The following ACAD10 variants were observed in gnomAD, a reference collection of about 807,000 sequenced individuals.
ACAD10 encodes acyl-CoA dehydrogenase family member 10.
In ACAD10, 112 loss-of-function variants were observed where a neutral mutation model predicts 116.8. That is an observed-to-expected ratio of 0.96 (90% CI 0.82 to 1.12). ACAD10 has a LOEUF of 1.12. Ranked by LOEUF, ACAD10 falls within the 50% of genes most tolerant of loss-of-function variation. The pLI, the probability that ACAD10 is intolerant of heterozygous loss-of-function variation, is 0.00. For missense variants in ACAD10, 1,259 were observed against 1,350.2 expected, an observed-to-expected ratio of 0.93 and a Z score of 1.06; for synonymous variants, 486 against 510.6, an observed-to-expected ratio of 0.95 and a Z score of 0.65.
chr12:111,688,292 T>G (rs1410460088), intron 1 of ACAD10: 1 of 152,218 alleles, frequency 6.6e-6, no homozygotes, highest in Non-Finnish European at 1.5e-5. Flanking sequence ...AAAATGCAAA[T>G]GAACCTTGAC....
In ACAD10 at chr12:111,748,474, A is replaced by C. The variant is rs752802498; in HGVS notation, c.2643A>C (p.Pro881=). 5.0e-6 allele frequency: 8 copies of C among 1,613,080 alleles called. No individual in the cohort carries two copies. Among genetic ancestry groups the C allele is most frequent in the Middle Eastern group, 1.9e-4 (1 of 5,196 alleles). ...CGGTGTATGGACTGGAAGATGCACC[A>C]GGTGAGACCTCCAGGGGCGGGTCAC... ...PLTVYGLEDA[P]GGHGEVRFEH... The change falls in exon 17 of 21, where the codon CCA becomes CCC. Residue 881 remains proline, a splice_region_variant and synonymous_variant. Transcript: ENST00000313698.
intron 6 of ACAD10, among the ~76,000 whole-genome samples, chr12:111,713,710 G>C (rs1470221980): frequency 6.6e-6 from 1 of 152,152 alleles, no homozygotes; most frequent in Non-Finnish European, 1.5e-5. Context: ...GCTGAGGCAG[G>C]CGGATCACCT....
intron 6 of ACAD10, chr12:111,715,558 GCA>G: frequency 2.4e-6 from 1 of 421,434 alleles, no homozygotes; most frequent in Admixed American, 3.5e-5. Flanking sequence ...TTGGACACCT[GCA>G]CAAACTGAGA....
chr12:111,690,848 A>T (rs1888019130), intron 1 of ACAD10, among the ~76,000 whole-genome samples: 1 of 150,524 alleles, frequency 6.6e-6, no homozygotes, highest in South Asian at 2.1e-4. Context: ...TGGATTGGGG[A>T]TGCTCAAAGT....
intron 10 of ACAD10, 63 bp downstream of exon 10, chr12:111,730,019 C>T: frequency 6.4e-7 from 1 of 1,563,544 alleles, no homozygotes; most frequent in East Asian, 2.3e-5. Flanking sequence ...GGGAATTGAG[C>T]AATTGGTCTT....
intron 6 of ACAD10, among the ~76,000 whole-genome samples, chr12:111,714,245 CAA>C (rs1318832988): frequency 3.1e-4 from 29 of 93,504 alleles, no homozygotes; most frequent in Admixed American, 5.7e-4. Context: ...GCTCTGTCTC[CAA>C]AAAAAAAAAA....
chr12:111,697,317 A>G (rs991692558), intron 2 of ACAD10, among the ~76,000 whole-genome samples: 1 of 150,908 alleles, frequency 6.6e-6, no homozygotes, highest in African/African-American at 2.4e-5. Context: ...AATTTTTGTT[A>G]GTGTGATAGA....
At chr12:111,751,926 C>T (rs1283811838) in intron 18 of ACAD10, among the ~76,000 whole-genome samples, 3 of 151,706 alleles carry the variant, frequency 2.0e-5, no homozygotes, top group Admixed American at 6.6e-5. Context: ...GACGTGGTGG[C>T]GCATGCCTGT....
intron 11 of ACAD10, among the ~76,000 whole-genome samples, chr12:111,735,028 C>G (rs1188183800): frequency 6.6e-6 from 1 of 152,040 alleles, no homozygotes; most frequent in African/African-American, 2.4e-5. Context: ...TCGAGACCAT[C>G]CTGGCTAACA....
intron 2 of ACAD10, among the ~76,000 whole-genome samples, chr12:111,695,869 C>A (rs1045666709): frequency 6.6e-6 from 1 of 151,652 alleles, no homozygotes; most frequent in Admixed American, 6.6e-5. Context: ...CAAAAATAAG[C>A]GGGGCATGGT....
intron 12 of ACAD10, among the ~76,000 whole-genome samples, chr12:111,740,782 CAAA>C (rs751899672): frequency 2.0e-5 from 1 of 51,088 alleles, no homozygotes; most frequent in African/African-American, 6.2e-5. Flanking sequence ...GACTCCATCT[CAAA>C]AAAAAAAAAA....
intron 1 of ACAD10, chr12:111,690,981 A>G (rs776164891): frequency 6.6e-6 from 1 of 152,024 alleles, no homozygotes; most frequent in Non-Finnish European, 1.5e-5. Flanking sequence ...AATCACATAA[A>G]AAGCTTAAAG....
At chr12:111,723,310 G>A (rs1100128) in intron 8 of ACAD10, among the ~76,000 whole-genome samples, 496 of 139,934 alleles carry the variant, frequency 3.5e-3, no homozygotes, top group Non-Finnish European at 6.4e-3. Context: ...GCGGCTGGCC[G>A]GGCGGGGGGG....
chr12:111,746,813 C>T (rs1889914172), intron 14 of ACAD10, among the ~76,000 whole-genome samples: 1 of 152,124 alleles, frequency 6.6e-6, no homozygotes. Flanking sequence ...CCAGCGTGTG[C>T]AACATAGAAC....
intron 11 of ACAD10, among the ~76,000 whole-genome samples, chr12:111,734,647 T>G (rs927565152): frequency 6.6e-6 from 1 of 151,860 alleles, no homozygotes; most frequent in African/African-American, 2.4e-5. Context: ...ACAAACCACA[T>G]TTATTGTGAA....
chr12:111,745,114 C>T (rs1889854800), intron 13 of ACAD10, 71 bp downstream of exon 13: 2 of 1,488,664 alleles, frequency 1.3e-6, no homozygotes, highest in East Asian at 2.3e-5. Flanking sequence ...ACCGGGCTCA[C>T]CTGAACCATC....
intron 8 of ACAD10, among the ~76,000 whole-genome samples, chr12:111,724,882 G>A (rs1424045267): frequency 6.6e-6 from 1 of 151,612 alleles, no homozygotes; most frequent in Non-Finnish European, 1.5e-5. Flanking sequence ...GGGAGACCGT[G>A]GAAAGAGAGG....
intron 11 of ACAD10, among the ~76,000 whole-genome samples, chr12:111,736,448 C>T (rs1352714284): frequency 6.6e-6 from 1 of 152,172 alleles, no homozygotes; most frequent in Non-Finnish European, 1.5e-5. Flanking sequence ...AACTCGGCCT[C>T]CCAAAGTGCT....
chr12:111,691,881 G>A lies in ACAD10; in HGVS notation c.-13-816G>A, dbSNP rs1888054207. On this transcript the variant is annotated intron_variant, in intron 1 of 20. Transcript: ENST00000313698. The stretch of plus-strand genomic sequence containing the variant: ...CTAAGTGTTGAGATTACAGGCGTGT[G>A]CCACTGCGCCTGACGGGAGTAGATC... Among the ~76,000 whole-genome samples the A allele has an allele frequency of 1.3e-5, 2 of 152,302 alleles. 1 individual carries two copies. The highest frequency in any genetic ancestry group is 4.1e-4 in the South Asian group (2 of 4,820).
Sources: allele counts gnomAD v4.1 joint callset (sites outside exome capture counted in the v4.1 genomes callset), GRCh38; gene constraint gnomAD v4.1.1; transcripts MANE v1.5; gene names NCBI Gene and HGNC (gene_info 2026-07-23, HGNC 2026-07-21).